The following TTLL1 variants were observed in gnomAD, a reference collection of about 807,000 sequenced individuals.
TTLL1 encodes TTL family tubulin polyglutamylase complex subunit L1.
Under a neutral mutation model 47.8 loss-of-function variants are expected in TTLL1, and 33 were observed. The observed-to-expected ratio is 0.69, with a 90% CI of 0.52 to 0.92. The LOEUF (loss-of-function observed/expected upper bound fraction) is 0.92, where lower values mean the gene tolerates loss of function less well. Ranked by LOEUF, TTLL1 falls within the 40% of genes least tolerant of loss-of-function variation. The pLI is 0.00. For synonymous variants in TTLL1, 225 were observed against 214.1 expected, an observed-to-expected ratio of 1.05 and a Z score of -0.45; for missense variants, 488 against 547.5, an observed-to-expected ratio of 0.89 and a Z score of 1.08.
rs1927574430 is a variant in TTLL1, at chr22:43,064,186, T to C, written c.638+4A>G. On this transcript the variant is annotated splice_donor_region_variant and intron_variant, in intron 6 of 10. Transcript: ENST00000266254. ...GAGGGAACCAAAACCTTAGGGACGC[T>C]TACATGTAACAGCGCAGTGGACGGT... 1.2e-6 allele frequency: 2 copies of C among 1,606,928 alleles called. No homozygotes were observed. The highest frequency in any genetic ancestry group is 1.7e-6 in the Non-Finnish European group (2 of 1,178,346).
intron 9 of TTLL1, among the ~76,000 whole-genome samples, chr22:43,049,480 G>A (rs1183577828): frequency 9.3e-5 from 14 of 151,074 alleles, no homozygotes; most frequent in African/African-American, 1.9e-4. Context: ...CCAAGATGGC[G>A]CCATTGCACT....
chr22:43,080,902 CTTTTTTT>C lies in TTLL1; in HGVS notation c.-89-923_-89-917del, dbSNP rs10529079. On this transcript the variant is annotated intron_variant, in intron 1 of 10. Transcript: ENST00000266254. ...GTCACCTGTTCCCAGTGTTGCATGA[CTTTTTTT>C]TTTTTTTTTTTTTTTTTTTTTTTTT... Among the ~76,000 whole-genome samples the C allele has an allele frequency of 2.1e-3, 143 of 69,278 alleles. 1 individual carries two copies. The highest frequency in any genetic ancestry group is 6.8e-3 in the African/African-American group (119 of 17,416). 45.4% of individuals were successfully genotyped at this position (69,278 alleles called of 152,430 possible). A position where few individuals can be genotyped will look rare whatever the true frequency, so the allele number is the denominator to read the frequency against.
At chr22:43,046,244 A>T (rs964476336) in intron 10 of TTLL1, among the ~76,000 whole-genome samples, 166 bp downstream of exon 10, 1 of 152,162 alleles carries the variant, frequency 6.6e-6, no homozygotes, top group East Asian at 1.9e-4. Flanking sequence ...TAAAATAAAC[A>T]AATTGCTTTT....
At position 43,063,904 on chromosome 22, in the gene TTLL1, C is replaced by G; in HGVS notation, c.656G>C (p.Cys219Ser). The G allele has an allele frequency of 6.2e-7, 1 of 1,614,078 alleles. No homozygotes were observed. Among genetic ancestry groups the G allele is most frequent in the Non-Finnish European group, 8.5e-7 (1 of 1,179,998 alleles). The change falls in exon 7 of 11, where the codon TGC becomes TCC. Residue 219 changes from cysteine to serine, a missense_variant. Cys to Ser is a moderately radical substitution (Grantham distance 112). Coordinates refer to ENST00000266254, the MANE Select transcript of TTLL1 (RefSeq NM_012263.5). ...GGTGTATTTCACTGTGCAGAACCGG[C>G]AAAACCCAAGCTTGTACCTAGGAGG... Reference protein sequence around the residue: ...LRCYMYKLGFCRFCTVKYTPS... With the variant: ...LRCYMYKLGFSRFCTVKYTPS...
chr22:43,040,078 T>C, intron 10 of TTLL1, 173 bp from the exon 11 acceptor site: 1 of 785,074 alleles, frequency 1.3e-6, no homozygotes, highest in Non-Finnish European at 2.0e-6. Flanking sequence ...CCAGCCCACC[T>C]GCCTGCCAGG....
chr22:43,057,198 A>T (rs1027407833), intron 8 of TTLL1, among the ~76,000 whole-genome samples: 2 of 150,022 alleles, frequency 1.3e-5, no homozygotes, highest in African/African-American at 4.9e-5. Context: ...TGAACCAGGG[A>T]TCGGAGGCTG....
chr22:43,040,610 A>G lies in TTLL1; in HGVS notation c.1143-705T>C, dbSNP rs189275435. 3.0e-3 allele frequency among the ~76,000 whole-genome samples: 460 copies of G among 152,162 alleles called. 1 individual carries two copies. The highest frequency in any genetic ancestry group is 0.011 in the African/African-American group (448 of 41,520). ...ATAGGTGCCCACCACCACACCCAGCAAATTTTTGTATTTTTAGTAGAGACA... is the reference window on the plus strand; with the variant it reads ...ATAGGTGCCCACCACCACACCCAGCGAATTTTTGTATTTTTAGTAGAGACA... On this transcript the variant is annotated intron_variant, in intron 10 of 10. Transcript: ENST00000266254.
At chr22:43,074,766 A>G (rs1305268870) in intron 3 of TTLL1, among the ~76,000 whole-genome samples, 1 of 152,168 alleles carries the variant, frequency 6.6e-6, no homozygotes, top group Non-Finnish European at 1.5e-5. Flanking sequence ...ATGGCCGGAC[A>G]TGGTGGCTCA....
chr22:43,073,714 C>G (rs1351878225), intron 3 of TTLL1, among the ~76,000 whole-genome samples: 6 of 152,090 alleles, frequency 3.9e-5, no homozygotes, highest in African/African-American at 7.2e-5. Context: ...ACCCACCCCC[C>G]CATACTGTTT....
chr22:43,073,021 CTT>C (rs907361570), intron 3 of TTLL1, among the ~76,000 whole-genome samples: 7 of 144,990 alleles, frequency 4.8e-5, no homozygotes, highest in Non-Finnish European at 3.0e-5. Context: ...TGCAATTATT[CTT>C]TTTTTTTTTT....
chr22:43,051,653 C>G, intron 9 of TTLL1, 148 bp downstream of exon 9: 1 of 765,282 alleles, frequency 1.3e-6, no homozygotes, highest in East Asian at 2.5e-5. Context: ...CCTTAACCAT[C>G]AGCAAACAAT....
chr22:43,053,540 G>C (rs913302214), intron 8 of TTLL1, among the ~76,000 whole-genome samples: 1 of 152,092 alleles, frequency 6.6e-6, no homozygotes, highest in East Asian at 1.9e-4. Context: ...CCTGCATTGC[G>C]TAGCTCTCAG....
chr22:43,069,391 CA>C (rs1303585838), intron 4 of TTLL1, among the ~76,000 whole-genome samples: 9,324 of 60,040 alleles, frequency 0.16, 347 homozygotes, highest in African/African-American at 0.23. Flanking sequence ...GATTCTGTCT[CA>C]AAAAAAAAAA....
rs1038842830 is a variant in TTLL1 at position 43,063,835 on chromosome 22, T to C, written c.725A>G (p.Asn242Ser). 6 of 1,613,998 alleles carry C rather than the reference T, an allele frequency of 3.7e-6. No homozygotes were observed. The highest frequency in any genetic ancestry group is 1.3e-5 in the African/African-American group (1 of 75,038). ...CACCCCGTGTTTCTGGATGGCGACGTTGGTGAGATGAACGAACATGTTGTC... is the reference window on the plus strand; with the variant it reads ...CACCCCGTGTTTCTGGATGGCGACGCTGGTGAGATGAACGAACATGTTGTC... ...ELDNMFVHLT[N>S]VAIQKHGEDY... The change falls in exon 7 of 11, where the codon AAC becomes AGC. Residue 242 changes from asparagine to serine, a missense_variant. Physicochemically the swap from Asn to Ser is conservative, Grantham distance 46 (BLOSUM62 1). Coordinates refer to ENST00000266254, the MANE Select transcript of TTLL1 (RefSeq NM_012263.5).
intron 10 of TTLL1, 84 bp from the exon 11 acceptor site, chr22:43,039,989 T>TGACA: frequency 6.6e-7 from 1 of 1,520,494 alleles, no homozygotes; most frequent in Non-Finnish European, 8.9e-7. Context: ...GTGGCAAATA[T>TGACA]GACATCACCC....
Position 43,068,408 on chromosome 22 carries a change from A to G in TTLL1, c.503+2T>C. ...ACAAAGTGGGTGGCTGCCCACACTT[A>G]CGAAGATGTCTTGCTGTCCCGGGAC... On this transcript the variant is annotated splice_donor_variant, in intron 5 of 10. Coordinates refer to ENST00000266254, the MANE Select transcript of TTLL1 (RefSeq NM_012263.5). LOFTEE classifies it high-confidence loss of function. The G allele has an allele frequency of 6.7e-7, 1 of 1,503,098 alleles. No homozygotes were observed. Among genetic ancestry groups the G allele is most frequent in the Non-Finnish European group, 9.0e-7 (1 of 1,107,258 alleles). The allele number at this position is 1,503,098 out of a possible 1,614,324, so 93.1% of individuals were successfully genotyped here. A position where few individuals can be genotyped will look rare whatever the true frequency, so the allele number is the denominator to read the frequency against.
chr22:43,071,269 G>A (rs567591028), intron 3 of TTLL1, among the ~76,000 whole-genome samples: 1 of 152,144 alleles, frequency 6.6e-6, no homozygotes, highest in East Asian at 1.9e-4. Context: ...CAATCTAGGT[G>A]CCTCAAGAAC....
At chr22:43,072,112 A>G (rs1263298015) in intron 3 of TTLL1, among the ~76,000 whole-genome samples, 1 of 152,070 alleles carries the variant, frequency 6.6e-6, no homozygotes, top group Non-Finnish European at 1.5e-5. Flanking sequence ...CTTTAGAGTG[A>G]AGTAGTGGCA....
intron 10 of TTLL1, among the ~76,000 whole-genome samples, chr22:43,045,141 G>A (rs560259270): frequency 7.2e-5 from 11 of 152,280 alleles, no homozygotes; most frequent in South Asian, 2.1e-4. Context: ...GATTACAGGC[G>A]TGAGCCACCA....
Sources: gnomAD v4.1 joint callset for allele counts (sites outside exome capture counted in the v4.1 genomes callset) on GRCh38, gnomAD v4.1.1 for gene constraint, MANE v1.5 for transcripts, NCBI Gene and HGNC (gene_info 2026-07-23, HGNC 2026-07-21) for gene names.